HPSE2: variants seen among roughly 807,000 people sequenced by gnomAD.
HPSE2 encodes inactive heparanase-2.
In HPSE2, 38 loss-of-function variants were observed where a neutral mutation model predicts 60.5. The observed-to-expected ratio is 0.63, with a 90% CI of 0.48 to 0.82. HPSE2 has a LOEUF of 0.82. Among genes scored for constraint, HPSE2 ranks in the 40% least tolerant of loss-of-function variants. The pLI is 0.00. For missense variants in HPSE2, 713 were observed against 740.4 expected, an observed-to-expected ratio of 0.96 and a Z score of 0.43; for synonymous variants, 295 against 293.2, an observed-to-expected ratio of 1.01 and a Z score of -0.06.
chr10:98,819,421 CT>C (rs34043787), intron 3 of HPSE2, among the ~76,000 whole-genome samples: 125 of 136,296 alleles, frequency 9.2e-4, no homozygotes, highest in East Asian at 4.2e-3. Flanking sequence ...TACAATCATT[CT>C]TTTTTTTTTT....
intron 6 of HPSE2, among the ~76,000 whole-genome samples, chr10:98,667,655 A>G (rs375479682): frequency 7.9e-5 from 12 of 152,208 alleles, no homozygotes; most frequent in African/African-American, 2.9e-4. Flanking sequence ...TTAACCACAT[A>G]AACAGAATCA....
chr10:98,827,151 T>TA lies in HPSE2; in HGVS notation c.611-83096dup, dbSNP rs1331240173. ...AGGCAACAGAGCAAGACCCTGTCTC[T>TA]AAAAAAAAATTTTTTTTTAAAAAAC... On this transcript the variant is annotated intron_variant, in intron 3 of 11. Transcript: ENST00000370552. Among the ~76,000 whole-genome samples the TA allele has an allele frequency of 3.5e-3, 250 of 71,094 alleles. 2 individuals are homozygous for TA. Among genetic ancestry groups the TA allele is most frequent in the African/African-American group, 9.4e-3 (232 of 24,642 alleles). The allele number at this position is 71,094 out of a possible 152,430, so 46.6% of individuals were successfully genotyped here.
chr10:98,800,653 C>A (rs1485814639), intron 3 of HPSE2, among the ~76,000 whole-genome samples: 1 of 151,640 alleles, frequency 6.6e-6, no homozygotes, highest in South Asian at 2.1e-4. Flanking sequence ...TAGACACATA[C>A]AACCTACCAA....
At chr10:99,207,776 A>C (rs1184141970) in intron 2 of HPSE2, among the ~76,000 whole-genome samples, 2 of 151,898 alleles carry the variant, frequency 1.3e-5, no homozygotes, top group Admixed American at 1.3e-4. Flanking sequence ...CTAAATACAA[A>C]GTAAAAACCT....
chr10:98,976,216 T>C (rs924421474), intron 3 of HPSE2, among the ~76,000 whole-genome samples: 3 of 152,160 alleles, frequency 2.0e-5, no homozygotes, highest in African/African-American at 7.2e-5. Context: ...AAAGAGACTA[T>C]ACATATATAT....
intron 3 of HPSE2, among the ~76,000 whole-genome samples, chr10:98,750,750 G>C (rs1210988087): frequency 6.6e-6 from 1 of 152,144 alleles, no homozygotes; most frequent in Admixed American, 6.6e-5. Flanking sequence ...TGGGAGAAGA[G>C]AGAAGAAGGC....
chr10:98,714,496 A>T (rs1218606228), intron 5 of HPSE2, among the ~76,000 whole-genome samples: 1 of 151,870 alleles, frequency 6.6e-6, no homozygotes, highest in Non-Finnish European at 1.5e-5. Context: ...AGTGACCATA[A>T]TATTTTTAAG....
At chr10:98,486,739 G>A (rs1395865910) in intron 10 of HPSE2, among the ~76,000 whole-genome samples, 1 of 152,168 alleles carries the variant, frequency 6.6e-6, no homozygotes, top group African/African-American at 2.4e-5. Context: ...GAAAGTCAAT[G>A]TGCTTGAAAC....
chr10:98,841,417 C>A (rs1951910344), intron 3 of HPSE2, among the ~76,000 whole-genome samples: 1 of 152,134 alleles, frequency 6.6e-6, no homozygotes, highest in South Asian at 2.1e-4. Flanking sequence ...ACAGTTTGAT[C>A]ATACCTATGT....
chr10:98,578,416 A>G lies in HPSE2; in HGVS notation c.1320+36488T>C, dbSNP rs2133914832. On this transcript the variant is annotated intron_variant, in intron 9 of 11. Transcript: ENST00000370552. ...GTCTCAGTCTAAATCGAATGCTTCAATCTTCTGGGCCACACTCCTGCTTTT... is the reference window on the plus strand; with the variant it reads ...GTCTCAGTCTAAATCGAATGCTTCAGTCTTCTGGGCCACACTCCTGCTTTT... Among the ~76,000 whole-genome samples, 4 of 152,278 alleles carry G rather than the reference A, an allele frequency of 2.6e-5. No homozygotes were observed. In the South Asian group the frequency reaches 8.3e-4, roughly 32 times the overall value.
intron 3 of HPSE2, among the ~76,000 whole-genome samples, chr10:98,979,926 A>G (rs1391991358): frequency 6.6e-6 from 1 of 152,188 alleles, no homozygotes; most frequent in Non-Finnish European, 1.5e-5. Flanking sequence ...TCAAAGCCAC[A>G]TTAGGAACTC....
chr10:99,144,855 T>C (rs1383820905), intron 2 of HPSE2, among the ~76,000 whole-genome samples: 39 of 152,188 alleles, frequency 2.6e-4, no homozygotes, highest in Admixed American at 2.6e-3. Flanking sequence ...GGTCTATTTT[T>C]AAATTCACCT....
chr10:98,902,756 T>G (rs1953701577), intron 3 of HPSE2, among the ~76,000 whole-genome samples: 1 of 152,178 alleles, frequency 6.6e-6, no homozygotes, highest in Non-Finnish European at 1.5e-5. Context: ...AAATTTTAGT[T>G]AATGATATGC....
intron 3 of HPSE2, among the ~76,000 whole-genome samples, chr10:99,033,653 G>T (rs1257807979): frequency 6.6e-6 from 1 of 151,958 alleles, no homozygotes; most frequent in Non-Finnish European, 1.5e-5. Flanking sequence ...CATGGTGGTA[G>T]GCGCCCATAG....
intron 3 of HPSE2, among the ~76,000 whole-genome samples, chr10:98,767,245 A>G (rs1013716581): frequency 2.0e-5 from 3 of 152,148 alleles, no homozygotes; most frequent in African/African-American, 7.2e-5. Flanking sequence ...TATTTGCAAT[A>G]AGAATAAATT....
At chr10:98,971,760 A>G (rs796119581) in intron 3 of HPSE2, among the ~76,000 whole-genome samples, 6 of 152,250 alleles carry the variant, frequency 3.9e-5, no homozygotes, top group African/African-American at 1.4e-4. Flanking sequence ...ATACCCTCAT[A>G]TCTGGCCCTT....
chr10:98,642,492 T>G (rs1946664925), intron 6 of HPSE2, among the ~76,000 whole-genome samples: 1 of 152,232 alleles, frequency 6.6e-6, no homozygotes, highest in Non-Finnish European at 1.5e-5. Flanking sequence ...ATGCTGTGGT[T>G]GCCTACTACC....
rs201282169 is a variant in HPSE2 at position 99,112,415 on chromosome 10, G to T, written c.610+31823C>A. On this transcript the variant is annotated intron_variant, in intron 3 of 11. Transcript: ENST00000370552. ...CCACCATGCCCGGCTTTTTTTTGTT[G>T]TGTTTTGTTTTGTTTTGTTTTGTTT... Among the ~76,000 whole-genome samples, 358 of 136,014 alleles carry T rather than the reference G, an allele frequency of 2.6e-3. 4 individuals are homozygous for T. Among genetic ancestry groups the T allele is most frequent in the African/African-American group, 9.2e-3 (345 of 37,440 alleles). The allele number at this position is 136,014 out of a possible 152,430, so 89.2% of individuals were successfully genotyped here.
At chr10:99,228,941 G>A (rs910025145) in intron 2 of HPSE2, among the ~76,000 whole-genome samples, 2 of 152,044 alleles carry the variant, frequency 1.3e-5, no homozygotes, top group Admixed American at 1.3e-4. Flanking sequence ...TGGGGAGGCT[G>A]AACTGGGCAG....
Sources: allele counts gnomAD v4.1 joint callset (sites outside exome capture counted in the v4.1 genomes callset), GRCh38; gene constraint gnomAD v4.1.1; transcripts MANE v1.5; gene names NCBI Gene and HGNC (gene_info 2026-07-23, HGNC 2026-07-21).